Variants in CNTLN observed in about 807,000 individuals in gnomAD.
CNTLN encodes the protein centlein, also known as centlein, centrosomal protein.
A neutral mutation model predicts 180.0 loss-of-function variants in CNTLN; 212 were observed. The ratio of observed to expected loss-of-function variants is 1.18; its 90% CI spans 1.05 to 1.32. The LOEUF is 1.32. CNTLN is among the 40% of genes most tolerant of loss of function. The pLI is 0.00. For synonymous variants in CNTLN, 722 were observed against 563.1 expected (o/e 1.28, Z -3.99); for missense variants, 2,095 against 1,610.9 (o/e 1.30, Z -5.14).
rs541529569 is a variant in CNTLN, at chr9:17,435,573, T to G, written c.3114+19384T>G. On this transcript the variant is annotated intron_variant, in intron 18 of 25. Transcript: ENST00000380647. Reference sequence around the variant, plus strand: ...AAAGAGTGGCTCTTTTTTTTTTTTTTCTTTGAGACAGAGTTTTGCTCTTAT... The same window carrying G: ...AAAGAGTGGCTCTTTTTTTTTTTTTGCTTTGAGACAGAGTTTTGCTCTTAT... Among the ~76,000 whole-genome samples, 157 of 142,498 alleles carry G rather than the reference T, an allele frequency of 1.1e-3. 1 individual carries two copies. The highest frequency in any genetic ancestry group is 3.6e-3 in the Middle Eastern group (1 of 276). 93.5% of individuals were successfully genotyped at this position (142,498 alleles called of 152,430 possible). A position where few individuals can be genotyped will look rare whatever the true frequency, so the allele number is the denominator to read the frequency against.
At chr9:17,209,011 C>T (rs1028377631) in intron 2 of CNTLN, among the ~76,000 whole-genome samples, 2 of 151,794 alleles carry the variant, frequency 1.3e-5, no homozygotes, top group Non-Finnish European at 2.9e-5. Flanking sequence ...TTTCCTAGTT[C>T]TTTAAGATCA....
chr9:17,525,007 A>G, the CNTLN span, among the ~76,000 whole-genome samples: 1 of 152,216 alleles, frequency 6.6e-6, no homozygotes, highest in Non-Finnish European at 1.5e-5. Context: ...AATAAAGACA[A>G]AAACAAGATC....
chr9:17,515,120 C>T, the CNTLN span, among the ~76,000 whole-genome samples: 6 of 152,160 alleles, frequency 3.9e-5, no homozygotes, highest in Admixed American at 3.9e-4. Flanking sequence ...ATTGTCAAAT[C>T]CTATGGCCAG....
rs570592972 is a variant in CNTLN at position 17,366,598 on chromosome 9, G to A, written c.1887-19G>A. ...TAAAACAATATGGTTTTAAGTAAATGTTTATTGCTTTTTCATAGGATGAAT... is the reference window on the plus strand; with the variant it reads ...TAAAACAATATGGTTTTAAGTAAATATTTATTGCTTTTTCATAGGATGAAT... On this transcript the variant is annotated intron_variant, in intron 12 of 25. Coordinates refer to ENST00000380647, the MANE Select transcript of CNTLN (RefSeq NM_017738.4). The A allele has an allele frequency of 1.2e-4, 150 of 1,242,904 alleles. 1 individual carries two copies. In the East Asian group the frequency reaches 3.5e-3, roughly 29 times the overall value. 77.0% of individuals were successfully genotyped at this position (1,242,904 alleles called of 1,614,324 possible). A position where few individuals can be genotyped will look rare whatever the true frequency, so the allele number is the denominator to read the frequency against.
chr9:17,340,965 A>T lies in CNTLN; in HGVS notation c.1766+17A>T, dbSNP rs1335136741. Reference sequence around the variant, plus strand: ...CAGTGGCATGTGAGTTACATAGCTCATAAAGGCATTTCCCTAAATATTAAA... The same window carrying T: ...CAGTGGCATGTGAGTTACATAGCTCTTAAAGGCATTTCCCTAAATATTAAA... On this transcript the variant is annotated intron_variant, in intron 11 of 25. Coordinates refer to ENST00000380647, the MANE Select transcript of CNTLN (RefSeq NM_017738.4). 6.3e-7 allele frequency: 1 copy of T among 1,591,676 alleles called. No individual in the cohort carries two copies.
At chr9:17,245,773 A>C (rs1825765358) in intron 5 of CNTLN, among the ~76,000 whole-genome samples, 1 of 151,862 alleles carries the variant, frequency 6.6e-6, no homozygotes, top group Admixed American at 6.6e-5. Context: ...ATTTTCAAAC[A>C]ACCCGTCTTC....
At chr9:17,277,792 G>A (rs139830397) in intron 6 of CNTLN, among the ~76,000 whole-genome samples, 1,677 of 152,180 alleles carry the variant, frequency 0.011, 18 homozygotes, top group Middle Eastern at 0.02. Flanking sequence ...CACATATAAT[G>A]AAAAATGTGT....
the CNTLN span, among the ~76,000 whole-genome samples, chr9:17,510,854 T>C: frequency 1.3e-5 from 2 of 152,366 alleles, no homozygotes; most frequent in South Asian, 2.1e-4. Flanking sequence ...CAGGTTTTTG[T>C]ATGAACATAA....
At chr9:17,224,785 A>G (rs1043234786) in intron 2 of CNTLN, among the ~76,000 whole-genome samples, 2 of 151,652 alleles carry the variant, frequency 1.3e-5, no homozygotes, top group African/African-American at 4.8e-5. Context: ...CCTTTAACTT[A>G]CTTATTGTAG....
At chr9:17,517,366 T>C in the CNTLN span, among the ~76,000 whole-genome samples, 4 of 149,518 alleles carry the variant, frequency 2.7e-5, no homozygotes, top group Admixed American at 1.3e-4. Flanking sequence ...CACTCCAGCC[T>C]GGGCAACAGA....
At chr9:17,477,252 G>A (rs1440655459) in intron 23 of CNTLN, among the ~76,000 whole-genome samples, 1 of 152,182 alleles carries the variant, frequency 6.6e-6, no homozygotes, top group Non-Finnish European at 1.5e-5. Flanking sequence ...CAAGAGCTTT[G>A]ATGGAGATGT....
intron 5 of CNTLN, among the ~76,000 whole-genome samples, chr9:17,270,599 T>C (rs1827860734): frequency 6.6e-6 from 1 of 152,170 alleles, no homozygotes; most frequent in South Asian, 2.1e-4. Context: ...TAACAGGTCA[T>C]TTCATAAAAT....
At chr9:17,376,448 A>T (rs999261004) in intron 13 of CNTLN, among the ~76,000 whole-genome samples, 14 of 151,226 alleles carry the variant, frequency 9.3e-5, no homozygotes, top group Admixed American at 6.6e-4. Context: ...CTTTTTTTTA[A>T]ATTTTTTAAT....
At chr9:17,417,726 A>G (rs1227264250) in intron 18 of CNTLN, among the ~76,000 whole-genome samples, 1 of 152,074 alleles carries the variant, frequency 6.6e-6, no homozygotes, top group Non-Finnish European at 1.5e-5. Flanking sequence ...ACTATGAGAA[A>G]AATAAAAATA....
At chr9:17,292,120 A>G (rs1829456440) in intron 6 of CNTLN, among the ~76,000 whole-genome samples, 1 of 152,208 alleles carries the variant, frequency 6.6e-6, no homozygotes, top group Non-Finnish European at 1.5e-5. Context: ...AATATTGAAT[A>G]ATGGCCCCCA....
In CNTLN at chr9:17,489,811, A is replaced by G. The variant is rs188375745; in HGVS notation, c.4119+2745A>G. On this transcript the variant is annotated intron_variant, in intron 25 of 25. Coordinates refer to ENST00000380647, the MANE Select transcript of CNTLN (RefSeq NM_017738.4). ...GTTGTGATGCTATTGGTAATTTTTT[A>G]TATTTGACATTTATCTGCAGCTTGT... Among the ~76,000 whole-genome samples, 29 of 152,068 alleles carry G rather than the reference A, an allele frequency of 1.9e-4. 1 individual carries two copies. The East Asian group carries it at 4.8e-3, about 25-fold the overall frequency.
intron 18 of CNTLN, among the ~76,000 whole-genome samples, chr9:17,453,242 G>T (rs1421775642): frequency 6.6e-6 from 1 of 152,080 alleles, no homozygotes; most frequent in East Asian, 1.9e-4. Flanking sequence ...GAGCCCAGGA[G>T]TTTGAGGCTG....
intron 2 of CNTLN, among the ~76,000 whole-genome samples, chr9:17,221,376 A>C (rs1447178671): frequency 1.3e-5 from 2 of 152,138 alleles, no homozygotes; most frequent in Non-Finnish European, 2.9e-5. Context: ...TCAGTTTCTG[A>C]AAGTACATTA....
the CNTLN span, among the ~76,000 whole-genome samples, chr9:17,520,653 G>C: frequency 1.3e-3 from 200 of 152,326 alleles, no homozygotes; most frequent in Non-Finnish European, 1.9e-3. Context: ...TATTGAAGTT[G>C]AGTCTGTTTA....
Sources: allele counts gnomAD v4.1 joint callset (sites outside exome capture counted in the v4.1 genomes callset), GRCh38; gene constraint gnomAD v4.1.1; transcripts MANE v1.5; gene names NCBI Gene and HGNC (gene_info 2026-07-23, HGNC 2026-07-21).